Variants in C1R observed in about 807,000 individuals in gnomAD.
C1R encodes the protein complement C1r.
A neutral mutation model predicts 27.6 loss-of-function variants in C1R; 15 were observed. That is an observed-to-expected ratio of 0.54 (90% CI 0.36 to 0.84). C1R has a LOEUF of 0.84. Ranked by LOEUF, C1R falls within the 40% of genes least tolerant of loss-of-function variation. The probability of loss-of-function intolerance (pLI) is 0.01; values close to 1 mark genes in which losing one functional copy is unlikely to be tolerated. For synonymous variants in C1R, 253 were observed against 228.8 expected (o/e 1.11, Z -0.95); for missense variants, 544 against 577.9 (o/e 0.94, Z 0.60).
At chr12:7,090,508 C>T (rs1591591466) in intron 2 of C1R, 1 of 495,150 alleles carries the variant, frequency 2.0e-6, no homozygotes, top group Non-Finnish European at 3.6e-6. Flanking sequence ...GCTCCTCTGG[C>T]AGGTTTCAGG....
chr12:7,081,962 GCCACACT>G, intron 10 of C1R, 63 bp downstream of exon 10: 1 of 1,299,280 alleles, frequency 7.7e-7, no homozygotes, highest in Non-Finnish European at 1.1e-6. Context: ...CTTTTTCTGG[GCCACACT>G]GCTTTTGAGG....
At chr12:7,081,354 C>T (rs199777988) in intron 10 of C1R, 53 bp from the exon 11 acceptor site, 9 of 1,519,304 alleles carry the variant, frequency 5.9e-6, no homozygotes, top group Non-Finnish European at 8.1e-6. Flanking sequence ...TCCCACATCT[C>T]TTCCTTCTGC....
Position 7,080,470 on chromosome 12 carries a change from G to A in C1R, c.*62C>T. The A allele has an allele frequency of 6.6e-7, 1 of 1,510,002 alleles. No individual in the cohort carries two copies. Among genetic ancestry groups the A allele is most frequent in the Non-Finnish European group, 8.8e-7 (1 of 1,131,070 alleles). The allele number at this position is 1,510,002 out of a possible 1,614,324, so 93.5% of individuals were successfully genotyped here. On this transcript the variant is annotated 3_prime_UTR_variant, in exon 11 of 11. Coordinates refer to ENST00000647956, the MANE Select transcript of C1R (RefSeq NM_001733.7). The surrounding 1 kb of genome is among the most constrained non-coding windows in gnomAD (Gnocchi z 4.9). Reference sequence around the variant, plus strand: ...CTTAGTGGTTATCAACAACTGGTCAGTTGTTTTTTGTTTTTTTTTTTCCAC... The same window carrying A: ...CTTAGTGGTTATCAACAACTGGTCAATTGTTTTTTGTTTTTTTTTTTCCAC...
In C1R at chr12:7,090,074, C is replaced by T. The variant is rs1938237915; in HGVS notation, c.406G>A (p.Ala136Thr). ...GTIMFYKGFLAYYQAVDLDEC... is the reference protein window; with the variant it reads ...GTIMFYKGFLTYYQAVDLDEC... ...TACTCACCCACAGCTTGGTAGTAGG[C>T]CAGGAAGCCCTTGTAGAACATGATG... Residue 136 changes from alanine (A) to threonine (T), a missense_variant, in exon 3 of 11, where the codon GCC becomes ACC. Physicochemically the swap from Ala to Thr is moderately conservative, Grantham distance 58 (BLOSUM62 0). Around this residue, in one of 2 missense-constraint regions of C1R, gnomAD observed 291 missense variants for 209.0 expected, o/e 1.39. Transcript: ENST00000647956. 1 of 775,764 alleles carries T rather than the reference C, an allele frequency of 1.3e-6. No homozygotes were observed. Among genetic ancestry groups the T allele is most frequent in the South Asian group, 1.4e-5 (1 of 73,322 alleles). 48.1% of individuals were successfully genotyped at this position (775,764 alleles called of 1,614,324 possible). A position where few individuals can be genotyped will look rare whatever the true frequency, so the allele number is the denominator to read the frequency against.
At chr12:7,089,236 G>A (rs1938209963) in intron 5 of C1R, 57 bp downstream of exon 5, 1 of 749,546 alleles carries the variant, frequency 1.3e-6, no homozygotes, top group Admixed American at 1.8e-5. Flanking sequence ...GGGACAAGAG[G>A]AGCCAAGTGC....
Position 7,081,132 on chromosome 12 carries a change from G to C in C1R, c.1518C>G (p.Pro506=). The C allele has an allele frequency of 6.2e-7, 1 of 1,614,040 alleles. No homozygotes were observed. The highest frequency in any genetic ancestry group is 8.5e-7 in the Non-Finnish European group (1 of 1,179,890). ...WILTAAHTLY[P]KEHEAQSNAS... is the part of the protein sequence containing the mutation. ...CGTTGCTTTGCGCTTCGTGTTCCTT[G>C]GGATACAGGGTGTGGGCAGCTGTGA... The change falls in exon 11 of 11, where the codon CCC becomes CCG. Residue 506 remains proline, a synonymous_variant. Coordinates refer to ENST00000647956, the MANE Select transcript of C1R (RefSeq NM_001733.7).
rs1938225682 is a variant in C1R, at chr12:7,089,629, G to A, written c.529C>T (p.Arg177Cys). Residue 177 changes from arginine to cysteine, a missense_variant, in exon 4 of 11, where the codon CGT becomes TGT. Transcript: ENST00000647956. ...NYVGGYFCSC[R>C]PGYELQEDRH... ...TCTTCCTGAAGCTCATAGCCTGGACGGCAGGAACAGAAGTAGCCTCCAACG... is the reference window on the plus strand; with the variant it reads ...TCTTCCTGAAGCTCATAGCCTGGACAGCAGGAACAGAAGTAGCCTCCAACG... The A allele has an allele frequency of 3.8e-6, 3 of 780,798 alleles. No individual in the cohort carries two copies. The highest frequency in any genetic ancestry group is 1.7e-5 in the Admixed American group (1 of 59,024). 48.4% of individuals were successfully genotyped at this position (780,798 alleles called of 1,614,324 possible).
rs1213052678 is a variant in C1R at position 7,081,327 on chromosome 12, G to A, written c.1349-26C>T. The stretch of plus-strand genomic sequence containing the variant: ...CTGAGGGAGAGACAGGGAAGACAAG[G>A]GCAAGTCAGTTCCAGGTCCCACATC... On this transcript the variant is annotated intron_variant, in intron 10 of 10. Transcript: ENST00000647956. 3.8e-6 allele frequency: 6 copies of A among 1,595,506 alleles called. No homozygotes were observed. The Admixed American group carries it at 5.2e-5, about 14-fold the overall frequency.
At position 7,091,193 on chromosome 12, in the gene C1R, A is replaced by C; in HGVS notation, c.231+259T>G. The C allele has an allele frequency of 2.1e-6, 1 of 476,704 alleles. No homozygotes were observed. The allele number at this position is 476,704 out of a possible 1,614,324, so 29.5% of individuals were successfully genotyped here. On this transcript the variant is annotated intron_variant, in intron 2 of 10. Coordinates refer to ENST00000647956, the MANE Select transcript of C1R (RefSeq NM_001733.7). The surrounding 1 kb of genome is among the most constrained non-coding windows in gnomAD (Gnocchi z 5.1). ...CTCTCAGCTAGACAGCAGATGGGGA[A>C]GGTTTTCCTGACTCAGTGGATGTTG...
At chr12:7,082,223 T>C (rs959966862) in intron 9 of C1R, 117 bp from the exon 10 acceptor site, 1 of 693,448 alleles carries the variant, frequency 1.4e-6, no homozygotes, top group Admixed American at 2.0e-5. Flanking sequence ...GGAGCCAACA[T>C]GGCAAGGGCC....
In C1R at chr12:7,092,400, C is replaced by T. The variant is rs754756570; in HGVS notation, c.-12G>A. The T allele has an allele frequency of 2.0e-5, 16 of 780,728 alleles. No homozygotes were observed. The highest frequency in any genetic ancestry group is 1.6e-4 in the South Asian group (12 of 74,628). The allele number at this position is 780,728 out of a possible 1,614,324, so 48.4% of individuals were successfully genotyped here. A position where few individuals can be genotyped will look rare whatever the true frequency, so the allele number is the denominator to read the frequency against. On this transcript the variant is annotated 5_prime_UTR_variant, in exon 1 of 11. Coordinates refer to ENST00000647956, the MANE Select transcript of C1R (RefSeq NM_001733.7). Reference sequence around the variant, plus strand: ...ACCCTTACTCACATTTCTCAAGGCCCGTGTTGAATCCTGGGCTCTCCCGAC... The same window carrying T: ...ACCCTTACTCACATTTCTCAAGGCCTGTGTTGAATCCTGGGCTCTCCCGAC...
At chr12:7,092,067 C>T (rs746507729) in intron 1 of C1R, 1 of 574,704 alleles carries the variant, frequency 1.7e-6, no homozygotes, top group Non-Finnish European at 3.1e-6. Flanking sequence ...GCAAGAGCGT[C>T]TGGGAGAAAC....
Position 7,092,408 on chromosome 12 carries a change from AT to A in C1R, c.-21del, listed in dbSNP as rs1448062150. ...TCACATTTCTCAAGGCCCGTGTTGA[AT>A]CCTGGGCTCTCCCGACAGCGTCTTC... is the stretch of plus-strand genomic sequence containing the variant. On this transcript the variant is annotated 5_prime_UTR_variant, in exon 1 of 11. Transcript: ENST00000647956. The A allele has an allele frequency of 1.3e-6, 1 of 780,726 alleles. No individual in the cohort carries two copies. 48.4% of individuals were successfully genotyped at this position (780,726 alleles called of 1,614,324 possible). A position where few individuals can be genotyped will look rare whatever the true frequency, so the allele number is the denominator to read the frequency against.
intron 7 of C1R, among the ~76,000 whole-genome samples, chr12:7,088,091 G>A (rs756571208): frequency 3.3e-5 from 5 of 152,284 alleles, no homozygotes; most frequent in South Asian, 2.1e-4. Flanking sequence ...GGAGATTGGC[G>A]TCCTAGTCCC....
At position 7,086,362 on chromosome 12, in the gene C1R, C is replaced by T. The variant is rs1324477718; in HGVS notation, c.1117+17G>A. On this transcript the variant is annotated intron_variant, in intron 8 of 10. Coordinates refer to ENST00000647956, the MANE Select transcript of C1R (RefSeq NM_001733.7). ...GGTGGGAGGTCCCCAGGGTCATATC[C>T]CTGAATTGTGACTTACTCTTGCATC... 2.5e-6 allele frequency: 1 copy of T among 398,598 alleles called. No individual in the cohort carries two copies. The highest frequency in any genetic ancestry group is 2.1e-5 in the African/African-American group (1 of 48,736). The allele number at this position is 398,598 out of a possible 1,614,324, so 24.7% of individuals were successfully genotyped here.
intron 7 of C1R, 152 bp downstream of exon 7, chr12:7,088,458 C>T (rs931778850): frequency 2.3e-5 from 16 of 709,920 alleles, no homozygotes; most frequent in Non-Finnish European, 3.6e-5. Flanking sequence ...TTTAAGTGTG[C>T]AGCAAGTTTG....
At chr12:7,086,985 G>A (rs1938167319) in intron 7 of C1R, 1 of 152,352 alleles carries the variant, frequency 6.6e-6, no homozygotes, top group Admixed American at 6.5e-5. Context: ...TGTATGTGAA[G>A]TGCTGTTGCT....
rs1442060261 is a variant in C1R, at chr12:7,091,098, T to C, written c.231+354A>G. 3 of 300,038 alleles carry C rather than the reference T, an allele frequency of 1.0e-5. No homozygotes were observed. The highest frequency in any genetic ancestry group is 1.9e-5 in the Non-Finnish European group (3 of 159,064). The allele number at this position is 300,038 out of a possible 1,614,324, so 18.6% of individuals were successfully genotyped here. ...TCCTCCTCATGTCCCTGTGTTCCTG[T>C]TGAAGCAGGCAGCCATGTCAATCAT... On this transcript the variant is annotated intron_variant, in intron 2 of 10. Transcript: ENST00000647956. This position sits in a 1 kb window ranked among gnomAD's most constrained non-coding sequence, Gnocchi z 5.1.
In C1R at chr12:7,090,121, A is replaced by G. The variant is rs1178773422; in HGVS notation, c.359T>C (p.Phe120Ser). 1.7e-5 allele frequency: 13 copies of G among 777,504 alleles called. No homozygotes were observed. The Admixed American group carries it at 2.2e-4, about 13-fold the overall frequency. The allele number at this position is 777,504 out of a possible 1,614,324, so 48.2% of individuals were successfully genotyped here. The change falls in exon 3 of 11, where the codon TTC becomes TCC. Residue 120 changes from phenylalanine to serine, a missense_variant. Physicochemically the swap from Phe to Ser is radical, Grantham distance 155 (BLOSUM62 -2). Transcript: ENST00000647956. ...NKMLLTFHTD[F>S]SNEENGTIMF... ...GATGGTCCCATTCTCCTCGTTGGAG[A>G]AGTCTGTGTGGAAGGTCAGCAGCAT...
Sources: gnomAD v4.1 joint callset for allele counts (sites outside exome capture counted in the v4.1 genomes callset) on GRCh38, gnomAD v4.1.1 for gene constraint, gnomAD v4.1.1 regional missense constraint, Gnocchi (gnomAD v3.1) non-coding constraint, MANE v1.5 for transcripts, NCBI Gene and HGNC (gene_info 2026-07-23, HGNC 2026-07-21) for gene names.